NUP98: variants seen among roughly 807,000 people sequenced by gnomAD.
The protein encoded by NUP98 is nucleoporin 98 and 96 precursor, also known as nuclear pore complex protein Nup98-Nup96.
NUP98 carries 26 observed loss-of-function variants against 191.9 expected under a neutral mutation model. The ratio of observed to expected loss-of-function variants is 0.14; its 90% CI spans 0.10 to 0.19. The LOEUF is 0.19. Ranked by LOEUF, NUP98 falls within the 10% of genes least tolerant of loss-of-function variation. The pLI is 1.00. For missense variants in NUP98, 1,941 were observed against 2,178.8 expected (o/e 0.89, Z 2.17); for synonymous variants, 808 against 778.4 (o/e 1.04, Z -0.63).
At chr11:3,700,920 T>C (rs2078656935) in intron 23 of NUP98, 81 bp from the exon 24 acceptor site, 3 of 907,380 alleles carry the variant, frequency 3.3e-6, no homozygotes, top group Non-Finnish European at 5.1e-6. Context: ...AACCACTGTT[T>C]CTTTTTATGA....
chr11:3,790,391 T>C (rs1222780346), intron 1 of NUP98, among the ~76,000 whole-genome samples: 2 of 152,170 alleles, frequency 1.3e-5, no homozygotes, highest in Non-Finnish European at 2.9e-5. Context: ...AGCTTAGGGC[T>C]CTATGAACCA....
At chr11:3,790,050 T>C (rs2082282401) in intron 1 of NUP98, among the ~76,000 whole-genome samples, 1 of 152,206 alleles carries the variant, frequency 6.6e-6, no homozygotes, top group South Asian at 2.1e-4. Context: ...CCCAAAGTGC[T>C]AGCATTACAG....
intron 14 of NUP98, among the ~76,000 whole-genome samples, chr11:3,725,662 T>C (rs1254230980): frequency 6.6e-6 from 1 of 152,298 alleles, no homozygotes; most frequent in East Asian, 1.9e-4. Context: ...AAACAGACAT[T>C]TGCTGACTAA....
intron 12 of NUP98, among the ~76,000 whole-genome samples, chr11:3,742,524 A>G (rs912734506): frequency 2.0e-5 from 3 of 151,936 alleles, no homozygotes; most frequent in Non-Finnish European, 2.9e-5. Flanking sequence ...AACATGGTAA[A>G]ACCCCATCTG....
intron 30 of NUP98, among the ~76,000 whole-genome samples, chr11:3,679,923 T>A (rs2077935349): frequency 6.6e-6 from 1 of 152,264 alleles, no homozygotes; most frequent in Non-Finnish European, 1.5e-5. Context: ...ATTTTTTGGT[T>A]TTCCAGTGGA....
intron 5 of NUP98, among the ~76,000 whole-genome samples, chr11:3,774,044 T>G (rs1345675216): frequency 6.6e-6 from 1 of 152,052 alleles, no homozygotes; most frequent in Non-Finnish European, 1.5e-5. Context: ...TTACCCAATA[T>G]ATACCTTTAA....
rs1395893340 is a variant in NUP98 at position 3,675,858 on chromosome 11, T to A, written c.*301A>T. The A allele has an allele frequency of 3.8e-5, 17 of 442,578 alleles. No homozygotes were observed. Among genetic ancestry groups the A allele is most frequent in the South Asian group, 3.5e-4 (14 of 40,034 alleles). The allele number at this position is 442,578 out of a possible 1,614,324, so 27.4% of individuals were successfully genotyped here. A position where few individuals can be genotyped will look rare whatever the true frequency, so the allele number is the denominator to read the frequency against. On this transcript the variant is annotated 3_prime_UTR_variant, in exon 33 of 33. Coordinates refer to ENST00000324932, the MANE Select transcript of NUP98 (RefSeq NM_016320.5). ...AGAATGGCTAGGGATGGAAAAAGAA[T>A]ACCCTGGTTCTTTGGGGGATTCTGC... is the stretch of plus-strand genomic sequence containing the variant.
chr11:3,701,922 C>T (rs574616798), intron 23 of NUP98, among the ~76,000 whole-genome samples: 3 of 151,744 alleles, frequency 2.0e-5, no homozygotes, highest in East Asian at 2.0e-4. Flanking sequence ...CTCCTGACCT[C>T]GTGATCCGCC....
chr11:3,766,755 T>C (rs552727866), intron 8 of NUP98, among the ~76,000 whole-genome samples: 1 of 151,922 alleles, frequency 6.6e-6, no homozygotes, highest in African/African-American at 2.4e-5. Context: ...TTCAAGATTG[T>C]TTTGGCTATT....
chr11:3,727,058 CAGTT>C (rs2079647827), intron 14 of NUP98, among the ~76,000 whole-genome samples: 1 of 152,070 alleles, frequency 6.6e-6, no homozygotes, highest in Admixed American at 6.6e-5. Flanking sequence ...CCATTGTACT[CAGTT>C]AGAAATTATT....
chr11:3,781,700 C>G (rs1229097218), intron 2 of NUP98, among the ~76,000 whole-genome samples: 1 of 151,896 alleles, frequency 6.6e-6, no homozygotes, highest in East Asian at 1.9e-4. Flanking sequence ...AGGGTAAATT[C>G]CAGGGCAGTT....
rs1182152305 is a variant in NUP98 at position 3,684,828 on chromosome 11, C to G, written c.4676+1145G>C. Among the ~76,000 whole-genome samples the G allele has an allele frequency of 6.0e-5, 8 of 133,876 alleles. No individual in the cohort carries two copies. In the East Asian group the frequency reaches 7.6e-4, roughly 13 times the overall value. 87.8% of individuals were successfully genotyped at this position (133,876 alleles called of 152,430 possible). On this transcript the variant is annotated intron_variant, in intron 29 of 32. Coordinates refer to ENST00000324932, the MANE Select transcript of NUP98 (RefSeq NM_016320.5). ...TAGGCTTAGAGAGTTAAGAGAGTAT[C>G]TTTATCCAAAGTCAAAAGTAAGCTT...
rs767872232 is a variant in NUP98, at chr11:3,683,298, G to A, written c.4820C>T (p.Ala1607Val). The change falls in exon 30 of 33, where the codon GCA becomes GTA. Residue 1607 changes from alanine to valine, a missense_variant. By Grantham distance (64) the Ala-to-Val change is moderately conservative. Coordinates refer to ENST00000324932, the MANE Select transcript of NUP98 (RefSeq NM_016320.5). ...KWIHEAKAVR[A>V]HMESDKHLEA... The stretch of plus-strand genomic sequence containing the variant: ...TAAGTGCTTGTCAGATTCCATGTGT[G>A]CTCGCACAGCTTTGGCCTCGTGGAT... 11 of 1,614,132 alleles carry A rather than the reference G, an allele frequency of 6.8e-6. No homozygotes were observed.
chr11:3,701,748 C>T (rs1377386233), intron 23 of NUP98, among the ~76,000 whole-genome samples: 1 of 150,508 alleles, frequency 6.6e-6, no homozygotes, highest in Admixed American at 6.6e-5. Context: ...TGCAATGGCG[C>T]GATCTCAGCT....
chr11:3,724,398 T>C (rs894564437), intron 15 of NUP98, among the ~76,000 whole-genome samples: 8 of 149,712 alleles, frequency 5.3e-5, no homozygotes, highest in Admixed American at 5.3e-4. Context: ...ATCGTGCCAC[T>C]GCACTCCAGC....
intron 12 of NUP98, among the ~76,000 whole-genome samples, chr11:3,737,713 TATTC>T (rs1394721642): frequency 3.3e-5 from 5 of 152,156 alleles, no homozygotes; most frequent in Admixed American, 6.5e-5. Context: ...AAAATCGATG[TATTC>T]AATAAATACT....
In NUP98 at chr11:3,685,260, T is replaced by C. The variant is rs188537585; in HGVS notation, c.4676+713A>G. On this transcript the variant is annotated intron_variant, in intron 29 of 32. Transcript: ENST00000324932. Reference sequence around the variant, plus strand: ...CGCAGTGAAAAGGCATTTCTCCAGTTCTCTTTAAGGACAGAGAATCAAGAC... The same window carrying C: ...CGCAGTGAAAAGGCATTTCTCCAGTCCTCTTTAAGGACAGAGAATCAAGAC... 5.9e-5 allele frequency among the ~76,000 whole-genome samples: 9 copies of C among 152,310 alleles called. No individual in the cohort carries two copies. The South Asian group carries it at 1.2e-3, about 21-fold the overall frequency.
chr11:3,679,215 CT>C (rs1440107702), intron 31 of NUP98, among the ~76,000 whole-genome samples: 1 of 151,754 alleles, frequency 6.6e-6, no homozygotes, highest in Non-Finnish European at 1.5e-5. Flanking sequence ...TGTAAAACAG[CT>C]ATCCTCACCC....
intron 6 of NUP98, among the ~76,000 whole-genome samples, chr11:3,772,240 TA>T (rs1452326168): frequency 6.6e-6 from 1 of 152,022 alleles, no homozygotes; most frequent in African/African-American, 2.4e-5. Context: ...CCCTAAAATA[TA>T]AAAATAAAAT....
Sources: gnomAD v4.1 joint callset for allele counts (sites outside exome capture counted in the v4.1 genomes callset) on GRCh38, gnomAD v4.1.1 for gene constraint, MANE v1.5 for transcripts, NCBI Gene and HGNC (gene_info 2026-07-23, HGNC 2026-07-21) for gene names.